Variants in RALGPS1 observed in about 807,000 individuals in gnomAD.
RALGPS1 encodes the protein ras-specific guanine nucleotide-releasing factor RalGPS1.
Under a neutral mutation model 78.8 loss-of-function variants are expected in RALGPS1, and 19 were observed. That is an observed-to-expected ratio of 0.24 (90% CI 0.17 to 0.35). The LOEUF is 0.35. RALGPS1 is among the 10% of genes least tolerant of loss of function. The pLI, the probability that RALGPS1 is intolerant of heterozygous loss-of-function variation, is 1.00. For missense variants in RALGPS1, 454 were observed against 688.3 expected, an observed-to-expected ratio of 0.66 and a Z score of 3.81; for synonymous variants, 228 against 256.3, an observed-to-expected ratio of 0.89 and a Z score of 1.06.
chr9:127,097,724 T>G (rs2053290833), intron 8 of RALGPS1, among the ~76,000 whole-genome samples: 1 of 152,318 alleles, frequency 6.6e-6, no homozygotes, highest in East Asian at 1.9e-4. Context: ...CTGTTCCATA[T>G]AAATAATGCC....
At chr9:127,208,149 C>T (rs750904897) in intron 14 of RALGPS1, among the ~76,000 whole-genome samples, 2 of 152,270 alleles carry the variant, frequency 1.3e-5, no homozygotes, top group Non-Finnish European at 2.9e-5. Context: ...TGCCAGGCAG[C>T]AACTGCCAGG....
intron 8 of RALGPS1, among the ~76,000 whole-genome samples, chr9:127,076,889 G>C (rs529990691): frequency 2.0e-5 from 3 of 152,242 alleles, no homozygotes; most frequent in East Asian, 1.9e-4. Flanking sequence ...AATAAGCTGG[G>C]TGAAGAGGTG....
chr9:126,930,453 A>AT (rs962810217), intron 1 of RALGPS1, among the ~76,000 whole-genome samples: 1 of 152,026 alleles, frequency 6.6e-6, no homozygotes, highest in African/African-American at 2.4e-5. Context: ...TTTATTTTTA[A>AT]TTTTTTTGAA....
At chr9:127,103,723 T>A (rs2053953410) in intron 8 of RALGPS1, among the ~76,000 whole-genome samples, 1 of 152,184 alleles carries the variant, frequency 6.6e-6, no homozygotes, top group African/African-American at 2.4e-5. Flanking sequence ...ATCTACCACC[T>A]TTGTTCCCAG....
chr9:127,194,977 G>T (rs2061274149), intron 11 of RALGPS1, 114 bp from the exon 12 acceptor site: 14 of 1,289,174 alleles, frequency 1.1e-5, no homozygotes, highest in Non-Finnish European at 3.3e-6. Flanking sequence ...GTGACAGCTG[G>T]GCCAGTTGCT....
chr9:126,949,950 T>C (rs1289985144), intron 1 of RALGPS1, among the ~76,000 whole-genome samples: 2 of 152,268 alleles, frequency 1.3e-5, no homozygotes, highest in Non-Finnish European at 2.9e-5. Flanking sequence ...GTTTTATGTC[T>C]AATGTTTAAG....
rs2061880138 is a variant in RALGPS1 at position 127,205,435 on chromosome 9, T to C, written c.1247+6369T>C. Among the ~76,000 whole-genome samples the C allele has an allele frequency of 6.6e-6, 1 of 152,242 alleles. No homozygotes were observed. Among genetic ancestry groups the C allele is most frequent in the Non-Finnish European group, 1.5e-5 (1 of 68,032 alleles). On this transcript the variant is annotated intron_variant, in intron 14 of 18. Transcript: ENST00000259351. The surrounding 1 kb of genome is among the most constrained non-coding windows in gnomAD (Gnocchi z 4.0). ...GCAGTTGAGGCTCCAGCCAGCAGAC[T>C]GAGAGAAGTCTGCAGAGAGAAGAGT...
chr9:127,108,120 G>A (rs1373570120), intron 8 of RALGPS1: 5 of 1,613,752 alleles, frequency 3.1e-6, no homozygotes, highest in Admixed American at 1.7e-5. Flanking sequence ...GCACCCTCTG[G>A]CAGTGCTCCT....
intron 4 of RALGPS1, among the ~76,000 whole-genome samples, chr9:127,000,692 T>C (rs1027083446): frequency 4.0e-5 from 6 of 151,024 alleles, no homozygotes; most frequent in Non-Finnish European, 8.9e-5. Context: ...GGGATTACAG[T>C]CATGCACCAC....
intron 4 of RALGPS1, among the ~76,000 whole-genome samples, chr9:126,980,785 T>A (rs763766800): frequency 3.3e-5 from 5 of 152,158 alleles, no homozygotes; most frequent in Non-Finnish European, 5.9e-5. Flanking sequence ...ACCCTAGAGC[T>A]CAAGCTCTCA....
chr9:126,969,969 A>T (rs2039946502), intron 3 of RALGPS1, among the ~76,000 whole-genome samples: 1 of 152,192 alleles, frequency 6.6e-6, no homozygotes, highest in Admixed American at 6.5e-5. Context: ...AAAGCACTGG[A>T]GTGCCTAGGT....
At position 127,150,733 on chromosome 9, in the gene RALGPS1, G is replaced by A. The variant is rs1034654850; in HGVS notation, c.611-15336G>A. ...TCACTACCGAGCCCCAAAGAAAGGC[G>A]TTCATCCTCAGAGCTCACCAGATGG... is the stretch of plus-strand genomic sequence containing the variant. On this transcript the variant is annotated intron_variant, in intron 8 of 18. Coordinates refer to ENST00000259351, the MANE Select transcript of RALGPS1 (RefSeq NM_014636.3). 1.5e-4 allele frequency among the ~76,000 whole-genome samples: 23 copies of A among 152,356 alleles called. No homozygotes were observed. The East Asian group carries it at 2.5e-3, about 17-fold the overall frequency.
At chr9:127,052,479 G>T (rs993365007) in intron 6 of RALGPS1, among the ~76,000 whole-genome samples, 1 of 152,226 alleles carries the variant, frequency 6.6e-6, no homozygotes, top group African/African-American at 2.4e-5. Flanking sequence ...TCCTTCTGGT[G>T]TTAAGATAAT....
chr9:126,944,269 A>G (rs931737936), intron 1 of RALGPS1, among the ~76,000 whole-genome samples: 4 of 152,230 alleles, frequency 2.6e-5, no homozygotes, highest in African/African-American at 9.6e-5. Flanking sequence ...TGAATAGGTG[A>G]TGATCTTTTG....
At chr9:127,209,353 G>A (rs971538183) in intron 14 of RALGPS1, among the ~76,000 whole-genome samples, 1 of 152,208 alleles carries the variant, frequency 6.6e-6, no homozygotes, top group African/African-American at 2.4e-5. Flanking sequence ...TGTTTGACTT[G>A]TCCAAAATGA....
At chr9:127,184,556 G>A (rs2060512184) in intron 11 of RALGPS1, among the ~76,000 whole-genome samples, 1 of 152,226 alleles carries the variant, frequency 6.6e-6, no homozygotes, top group Admixed American at 6.5e-5. Context: ...CAGACCTGGA[G>A]AGGGCCTGAG....
intron 8 of RALGPS1, among the ~76,000 whole-genome samples, chr9:127,099,445 T>G (rs2053500697): frequency 1.3e-5 from 2 of 152,214 alleles, no homozygotes; most frequent in African/African-American, 4.8e-5. Context: ...CTGTTGAAAT[T>G]GGATCTGCAA....
At chr9:126,986,557 C>T (rs1404939691) in intron 4 of RALGPS1, among the ~76,000 whole-genome samples, 3 of 152,244 alleles carry the variant, frequency 2.0e-5, no homozygotes, top group African/African-American at 7.2e-5. Context: ...CTTACCACAT[C>T]TGTCTGTCAG....
chr9:127,048,551 C>T (rs766427227), intron 5 of RALGPS1, among the ~76,000 whole-genome samples: 1 of 152,188 alleles, frequency 6.6e-6, no homozygotes, highest in Non-Finnish European at 1.5e-5. Flanking sequence ...TCTGCTGAAT[C>T]GAGTTGTTGA....
Sources: gnomAD v4.1 joint callset for allele counts (sites outside exome capture counted in the v4.1 genomes callset) on GRCh38, gnomAD v4.1.1 for gene constraint, Gnocchi (gnomAD v3.1) non-coding constraint, MANE v1.5 for transcripts, NCBI Gene and HGNC (gene_info 2026-07-23, HGNC 2026-07-21) for gene names.